ZNF185: variants seen among roughly 807,000 people sequenced by gnomAD.
The protein encoded by ZNF185 is zinc finger protein 185.
Under a neutral mutation model 58.6 loss-of-function variants are expected in ZNF185, and 56 were observed. The ratio of observed to expected loss-of-function variants is 0.95; its 90% confidence interval spans 0.77 to 1.19. The LOEUF is 1.19. ZNF185 is among the 50% of genes most tolerant of loss of function. The pLI is 0.00. For synonymous variants in ZNF185, 230 were observed against 215.9 expected, an observed-to-expected ratio of 1.07 and a Z score of -0.57; for missense variants, 627 against 573.5, an observed-to-expected ratio of 1.09 and a Z score of -0.95.
intron 3 of ZNF185, among the ~76,000 whole-genome samples, chrX:152,915,770 G>C (rs781874421): frequency 8.9e-6 from 1 of 112,398 alleles, no homozygotes; most frequent in Admixed American, 9.4e-5. Context: ...CAGTGTCTAG[G>C]GGGGCTCTGA....
chrX:152,959,505 G>A (rs2049242952), intron 16 of ZNF185, among the ~76,000 whole-genome samples, 194 bp from the exon 19 acceptor site: 1 of 112,180 alleles, frequency 8.9e-6, no homozygotes, highest in African/African-American at 3.2e-5. Flanking sequence ...GAAAGGAGCA[G>A]CACTGCGGGG....
chrX:152,958,256 G>A (rs2049055409), intron 16 of ZNF185, among the ~76,000 whole-genome samples: 1 of 111,522 alleles, frequency 9.0e-6, no homozygotes, highest in Non-Finnish European at 1.9e-5. Flanking sequence ...AAGAGTGAGC[G>A]TAGACAGCTC....
intron 22 of ZNF185, among the ~76,000 whole-genome samples, chrX:152,970,983 C>G (rs192827243): frequency 8.9e-6 from 1 of 111,996 alleles, no homozygotes; most frequent in Non-Finnish European, 1.9e-5. Flanking sequence ...ACTGCATAGC[C>G]ATGGTGCTCA....
the ZNF185 span, among the ~76,000 whole-genome samples, chrX:152,903,086 C>T: frequency 1.8e-5 from 2 of 110,207 alleles, no homozygotes; most frequent in South Asian, 3.9e-4. Flanking sequence ...TAGGGGAGAG[C>T]GAAAGAGGGT....
At chrX:152,941,575 C>G (rs2047187678) in intron 15 of ZNF185, 4 of 1,031,318 alleles carry the variant, frequency 3.9e-6, no homozygotes, top group Non-Finnish European at 5.1e-6. Flanking sequence ...CACCAGCGTA[C>G]GCGACGCGTG....
At position 152,952,751 on chromosome X, in the gene ZNF185, G is replaced by A. The variant is rs1272212417; in HGVS notation, c.1410-6948G>A. On this transcript the variant is annotated intron_variant, in intron 16 of 22. Transcript: ENST00000449285. Reference sequence around the variant, plus strand: ...GATGCGGTAGGAAGATGAGAAGGGGGAATCTTAGATGAGCAGGTTTGGGGA... The same window carrying A: ...GATGCGGTAGGAAGATGAGAAGGGGAAATCTTAGATGAGCAGGTTTGGGGA... Among the ~76,000 whole-genome samples, 5 of 111,307 alleles carry A rather than the reference G, an allele frequency of 4.5e-5. No homozygotes were observed. In the East Asian group the frequency reaches 1.4e-3, roughly 31 times the overall value.
chrX:152,920,185 T>C, intron 7 of ZNF185, 143 bp from the exon 9 acceptor site: 1 of 469,085 alleles, frequency 2.1e-6, no homozygotes, highest in Non-Finnish European at 3.6e-6. Flanking sequence ...GAATAGTCCT[T>C]GGAGCAGGTG....
intron 18 of ZNF185, 98 bp downstream of exon 20, chrX:152,964,047 G>T: frequency 1.2e-6 from 1 of 817,494 alleles, no homozygotes; most frequent in Admixed American, 2.5e-5. Flanking sequence ...TTCCCATTTA[G>T]TGCCTTCCCC....
chrX:152,914,729 C>T (rs782713408), exon 2 of ZNF185: 6 of 1,195,727 alleles, frequency 5.0e-6, no homozygotes, highest in East Asian at 3.0e-5. Flanking sequence ...TGCCACCAGG[C>T]GAGGAGGAGC....
At chrX:152,936,407 TTCTTTCACAGGCTG>T in intron 14 of ZNF185, 1 of 1,164,810 alleles carries the variant, frequency 8.6e-7, no homozygotes, top group Non-Finnish European at 1.1e-6. Flanking sequence ...AGGTCTGGCC[TTCTTTCACAGGCTG>T]TGTGCAGCTG....
chrX:152,900,967 G>A, the ZNF185 span, among the ~76,000 whole-genome samples: 1 of 112,458 alleles, frequency 8.9e-6, no homozygotes, highest in South Asian at 3.6e-4. Flanking sequence ...TAGGTTCCTG[G>A]CACAGAGGTG....
the ZNF185 span, among the ~76,000 whole-genome samples, chrX:152,903,776 G>T: frequency 4.5e-5 from 5 of 111,696 alleles, no homozygotes; most frequent in Admixed American, 4.7e-4. Context: ...GAAAATGGGC[G>T]CATGAAAGCC....
chrX:152,943,486 C>T (rs1220072360), intron 15 of ZNF185, among the ~76,000 whole-genome samples: 1 of 112,371 alleles, frequency 8.9e-6, no homozygotes, highest in Non-Finnish European at 1.9e-5. Context: ...TCTCTAACCA[C>T]TTGACTTCCA....
At chrX:152,938,234 C>G (rs1321348493) in intron 15 of ZNF185, 71 bp downstream of exon 17, 84 of 1,053,960 alleles carry the variant, frequency 8.0e-5, no homozygotes, top group Non-Finnish European at 1.1e-4. Context: ...GTCCATTGGC[C>G]TTTGGCTGGG....
At chrX:152,957,250 T>C (rs2048943791) in intron 16 of ZNF185, among the ~76,000 whole-genome samples, 1 of 105,437 alleles carries the variant, frequency 9.5e-6, no homozygotes, top group Admixed American at 1.0e-4. Flanking sequence ...TTTTTTTGTA[T>C]GTTAGTAGAG....
At chrX:152,944,583 C>T (rs986644824) in intron 15 of ZNF185, among the ~76,000 whole-genome samples, 1 of 111,643 alleles carries the variant, frequency 9.0e-6, no homozygotes, top group Non-Finnish European at 1.9e-5. Flanking sequence ...TCCCACGGTA[C>T]CCAGATTGGA....
chrX:152,899,733 C>T, the ZNF185 span, among the ~76,000 whole-genome samples: 2 of 111,868 alleles, frequency 1.8e-5, no homozygotes, highest in South Asian at 7.6e-4. Flanking sequence ...CCTGGAGCAG[C>T]GAGGCACCCC....
At position 152,936,221 on chromosome X, in the gene ZNF185, C is replaced by T. The variant is rs144120015; in HGVS notation, c.1122-1853C>T. 4.1e-3 allele frequency among the ~76,000 whole-genome samples: 467 copies of T among 112,860 alleles called. 2 individuals are homozygous for T. The highest frequency in any genetic ancestry group is 0.014 in the African/African-American group (446 of 31,037). On this transcript the variant is annotated intron_variant, in intron 14 of 22. Coordinates refer to ENST00000449285, the Ensembl canonical transcript of ZNF185. ...GAGATAGCAAAGCCATGATTTGCAA[C>T]GCCAGAGGGCAACCACTATGCCACA...
intron 11 of ZNF185, among the ~76,000 whole-genome samples, chrX:152,926,489 T>TC (rs1254354002): frequency 6.2e-5 from 7 of 112,576 alleles, no homozygotes; most frequent in African/African-American, 2.3e-4. Flanking sequence ...TCGCCCCACA[T>TC]CCCCGCCTCC....
Sources: allele counts gnomAD v4.1 joint callset (sites outside exome capture counted in the v4.1 genomes callset), GRCh38; gene constraint gnomAD v4.1.1; transcripts MANE v1.5; gene names NCBI Gene and HGNC (gene_info 2026-07-23, HGNC 2026-07-21).